USP6: variants seen among roughly 807,000 people sequenced by gnomAD.
The protein encoded by USP6 is ubiquitin carboxyl-terminal hydrolase 6.
USP6 carries 128 observed loss-of-function variants against 175.7 expected under a neutral mutation model. The observed-to-expected ratio is 0.73, with a 90% CI of 0.63 to 0.84. The LOEUF is 0.84. USP6 is among the 40% of genes least tolerant of loss of function. The pLI is 0.00. For synonymous variants in USP6, 562 were observed against 630.6 expected (o/e 0.89, Z 1.63); for missense variants, 1,498 against 1,760.3 (o/e 0.85, Z 2.67).
At chr17:5,135,749 C>T in intron 16 of USP6, 59 bp from the exon 17 acceptor site, 1 of 1,597,116 alleles carries the variant, frequency 6.3e-7, no homozygotes. Flanking sequence ...CATGAGTCCT[C>T]CCAGGTGACC....
rs190569525 is a variant in USP6 at position 5,149,491 on chromosome 17, A to G, written c.2643+724A>G. ...CCCTTGAGGACAGGATTTTGAAGCT[A>G]TAATATGCTATGATGCTCACACCTG... On this transcript the variant is annotated intron_variant, in intron 30 of 37. Transcript: ENST00000574788. Among the ~76,000 whole-genome samples, 49 of 152,264 alleles carry G rather than the reference A, an allele frequency of 3.2e-4. No individual in the cohort carries two copies. In the East Asian group the frequency reaches 9.2e-3, roughly 29 times the overall value.
chr17:5,116,230 A>G lies in USP6; in HGVS notation c.-2438A>G, dbSNP rs1242970603. On this transcript the variant is annotated 5_prime_UTR_variant, in exon 1 of 38. Coordinates refer to ENST00000574788, the MANE Select transcript of USP6 (RefSeq NM_001304284.2). ...AGCGCTCGAGACGCTCATTGAGAGG[A>G]CTTCCCGCCTGCGGGCTCTCTGCTC... is the stretch of plus-strand genomic sequence containing the variant. 2.9e-5 allele frequency among the ~76,000 whole-genome samples: 4 copies of G among 138,238 alleles called. No individual in the cohort carries two copies. The East Asian group carries it at 7.8e-4, about 27-fold the overall frequency. 90.7% of individuals were successfully genotyped at this position (138,238 alleles called of 152,430 possible). A position where few individuals can be genotyped will look rare whatever the true frequency, so the allele number is the denominator to read the frequency against.
Position 5,173,906 on chromosome 17 carries a change from C to A in USP6, c.*928C>A, listed in dbSNP as rs1476196952. ...TCACGTTTCACAATTAGTGGTTATT[C>A]TTTTCTGTGTTTGTTTTGCACTTTA... On this transcript the variant is annotated 3_prime_UTR_variant, in exon 38 of 38. Transcript: ENST00000574788. The A allele has an allele frequency of 4.5e-6, 1 of 221,708 alleles. No individual in the cohort carries two copies. The highest frequency in any genetic ancestry group is 2.2e-5 in the African/African-American group (1 of 44,690). 13.7% of individuals were successfully genotyped at this position (221,708 alleles called of 1,614,324 possible).
chr17:5,150,615 C>T (rs999919346), intron 30 of USP6, among the ~76,000 whole-genome samples: 1 of 151,876 alleles, frequency 6.6e-6, no homozygotes, highest in African/African-American at 2.4e-5. Flanking sequence ...CTGCCTCAGC[C>T]TCCCGAGTAG....
chr17:5,172,174 C>CAA lies in USP6; in HGVS notation c.4047+511_4047+512dup, dbSNP rs539259328. On this transcript the variant is annotated intron_variant, in intron 37 of 37. Transcript: ENST00000574788. Reference sequence around the variant, plus strand: ...CGAGCAACAGAGCAAGGCTCTGTCTCAAAAAAAAAAAAAAAAAGTAGTTAG... The same window carrying CAA: ...CGAGCAACAGAGCAAGGCTCTGTCTCAAAAAAAAAAAAAAAAAAAGTAGTTAG... Among the ~76,000 whole-genome samples the CAA allele has an allele frequency of 5.6e-4, 56 of 99,922 alleles. 1 individual carries two copies. The highest frequency in any genetic ancestry group is 5.6e-3 in the South Asian group (18 of 3,240). 65.6% of individuals were successfully genotyped at this position (99,922 alleles called of 152,430 possible).
In USP6 at chr17:5,162,877, T is replaced by C. The variant is rs2074030908; in HGVS notation, c.2916-7T>C. 6.3e-7 allele frequency: 1 copy of C among 1,591,550 alleles called. No homozygotes were observed. Among genetic ancestry groups the C allele is most frequent in the Non-Finnish European group, 8.5e-7 (1 of 1,175,002 alleles). On this transcript the variant is annotated splice_polypyrimidine_tract_variant and splice_region_variant and intron_variant, in intron 32 of 37. Transcript: ENST00000574788. ...TCTTCCTCTGTGGATCTTTCCCCCCTTTTTAGATTTTGCAGAGGCTGTAAA... is the reference window on the plus strand; with the variant it reads ...TCTTCCTCTGTGGATCTTTCCCCCCCTTTTAGATTTTGCAGAGGCTGTAAA...
intron 1 of USP6, among the ~76,000 whole-genome samples, chr17:5,117,927 C>T (rs1441215999): frequency 6.6e-6 from 1 of 151,900 alleles, no homozygotes; most frequent in Non-Finnish European, 1.5e-5. Flanking sequence ...GGTGTACTGG[C>T]ATGCACCTGT....
rs1419592864 is a variant in USP6, at chr17:5,139,582, C to T, written c.1406C>T (p.Pro469Leu). 1 of 1,613,774 alleles carries T rather than the reference C, an allele frequency of 6.2e-7. No homozygotes were observed. Among genetic ancestry groups the T allele is most frequent in the South Asian group, 1.1e-5 (1 of 91,070 alleles). ...TDLDIGGPWF[P>L]HYDFEWSCWV... is the part of the protein sequence containing the mutation. Reference sequence around the variant, plus strand: ...CTGGATATAGGGGGCCCTTGGTTCCCCCATTATGATTTTGAATGGAGCTGC... The same window carrying T: ...CTGGATATAGGGGGCCCTTGGTTCCTCCATTATGATTTTGAATGGAGCTGC... The change falls in exon 22 of 38, where the codon CCC (proline) becomes CTC (leucine). Residue 469 changes from proline (P) to leucine (L), a missense_variant. By Grantham distance (98) the Pro-to-Leu change is moderately conservative (BLOSUM62 -3). This residue lies in a region of USP6 where 1,217 missense variants were observed against 1,500.8 expected (regional missense o/e 0.81). Coordinates refer to ENST00000574788, the MANE Select transcript of USP6 (RefSeq NM_001304284.2).
chr17:5,139,326 G>T lies in USP6; in HGVS notation c.1150G>T (p.Gly384Trp). ...ASRGGKTLCK[G>W]YRQAPPGPPA... ...ACGTGGTGGGAAGACCCTCTGCAAG[G>T]GGTATAGGCAGGCCCCTCCAGGCCC... is the stretch of plus-strand genomic sequence containing the variant. The change falls in exon 22 of 38, where the codon GGG (glycine) becomes TGG (tryptophan). Residue 384 changes from glycine (G) to tryptophan (W), a missense_variant. Gly to Trp is a radical substitution (Grantham distance 184). Around this residue, in one of 2 missense-constraint regions of USP6, gnomAD observed 1,217 missense variants for 1,500.8 expected, o/e 0.81. Coordinates refer to ENST00000574788, the MANE Select transcript of USP6 (RefSeq NM_001304284.2). 6.2e-7 allele frequency: 1 copy of T among 1,611,784 alleles called. No homozygotes were observed. Among genetic ancestry groups the T allele is most frequent in the South Asian group, 1.1e-5 (1 of 91,072 alleles).
intron 6 of USP6, 148 bp from the exon 7 acceptor site, chr17:5,127,356 G>A (rs1360077467): frequency 6.6e-6 from 1 of 152,306 alleles, no homozygotes; most frequent in Non-Finnish European, 1.5e-5. Context: ...TGGAGAGGCT[G>A]GGCTCCTTTC....
At chr17:5,136,301 A>G (rs1258979351) in intron 17 of USP6, among the ~76,000 whole-genome samples, 1 of 152,202 alleles carries the variant, frequency 6.6e-6, no homozygotes, top group Non-Finnish European at 1.5e-5. Flanking sequence ...CCCAGGTGGC[A>G]GCATCTCACC....
chr17:5,153,925 A>G (rs960706474), intron 30 of USP6, among the ~76,000 whole-genome samples: 31 of 152,340 alleles, frequency 2.0e-4, no homozygotes, highest in African/African-American at 7.5e-4. Flanking sequence ...AAGTGCTGGG[A>G]TTATAGGCAT....
chr17:5,156,576 G>A (rs987798170), intron 31 of USP6, among the ~76,000 whole-genome samples: 2 of 151,700 alleles, frequency 1.3e-5, no homozygotes, highest in African/African-American at 4.8e-5. Context: ...AAAGTGCGGG[G>A]ATTACAGGCG....
Position 5,132,171 on chromosome 17 carries a change from G to T in USP6, c.156-225G>T, listed in dbSNP as rs1034156395. 5.3e-6 allele frequency: 8 copies of T among 1,508,132 alleles called. No individual in the cohort carries two copies. In the African/African-American group the frequency reaches 9.7e-5, roughly 18 times the overall value. 93.4% of individuals were successfully genotyped at this position (1,508,132 alleles called of 1,614,324 possible). On this transcript the variant is annotated intron_variant, in intron 11 of 37. Coordinates refer to ENST00000574788, the MANE Select transcript of USP6 (RefSeq NM_001304284.2). This position sits in a 1 kb window ranked among gnomAD's most constrained non-coding sequence, Gnocchi z 4.7. ...ACCACCCCCCATGCCAGGGGCCCCA[G>T]TAACCCCAGCCAGGCTGTCCCTGCA...
Position 5,170,837 on chromosome 17 carries a change from C to T in USP6, c.3876C>T (p.Asn1292=), listed in dbSNP as rs149816248. ...GCTACAGCAATGGTCAGCTTGGAAA[C>T]CACAGTGAAGAAGACAGCACTGATG... The part of the protein sequence containing the change: ...GDGYSNGQLG[N]HSEEDSTDDQ... Residue 1292 remains asparagine (N), a synonymous_variant, in exon 36 of 38, where the codon AAC becomes AAT. Transcript: ENST00000574788. 3.1e-4 allele frequency: 504 copies of T among 1,613,028 alleles called. No homozygotes were observed. The highest frequency in any genetic ancestry group is 3.8e-4 in the Non-Finnish European group (449 of 1,179,886).
rs1425684494 is a variant in USP6, at chr17:5,116,324, C to G, written c.-2344C>G. The G allele has an allele frequency of 6.5e-6, 1 of 153,856 alleles. No homozygotes were observed. The highest frequency in any genetic ancestry group is 1.4e-5 in the Non-Finnish European group (1 of 69,464). 9.5% of individuals were successfully genotyped at this position (153,856 alleles called of 1,614,324 possible). A position where few individuals can be genotyped will look rare whatever the true frequency, so the allele number is the denominator to read the frequency against. Reference sequence around the variant, plus strand: ...CCCGGCCCCGCTCCCGGCGGCCCGCCTCACCACTCCCGGCTTCCCGGGGCT... The same window carrying G: ...CCCGGCCCCGCTCCCGGCGGCCCGCGTCACCACTCCCGGCTTCCCGGGGCT... On this transcript the variant is annotated 5_prime_UTR_variant, in exon 1 of 38. Transcript: ENST00000574788.
chr17:5,127,975 C>T (rs574016172), intron 7 of USP6, among the ~76,000 whole-genome samples: 50 of 152,278 alleles, frequency 3.3e-4, no homozygotes, highest in African/African-American at 1.1e-3. Flanking sequence ...CTCCCAGATA[C>T]GAGGGCCAAG....
chr17:5,154,840 C>A (rs745358854), intron 30 of USP6, among the ~76,000 whole-genome samples: 4 of 152,076 alleles, frequency 2.6e-5, no homozygotes, highest in East Asian at 1.9e-4. Flanking sequence ...CTCAAGCAAT[C>A]CTCCCACCTC....
intron 32 of USP6, among the ~76,000 whole-genome samples, chr17:5,161,931 G>C (rs1359852145): frequency 6.6e-6 from 1 of 152,144 alleles, no homozygotes; most frequent in Non-Finnish European, 1.5e-5. Flanking sequence ...AGAATCACTT[G>C]AACCCAGGAG....
Sources: gnomAD v4.1 joint callset for allele counts (sites outside exome capture counted in the v4.1 genomes callset) on GRCh38, gnomAD v4.1.1 for gene constraint, gnomAD v4.1.1 regional missense constraint, Gnocchi (gnomAD v3.1) non-coding constraint, MANE v1.5 for transcripts, NCBI Gene and HGNC (gene_info 2026-07-23, HGNC 2026-07-21) for gene names.